Variants in MTMR3 observed in about 807,000 individuals in gnomAD.
The protein encoded by MTMR3 is myotubularin related protein 3, also known as phosphatidylinositol-3,5-bisphosphate 3-phosphatase MTMR3.
MTMR3 carries 32 observed loss-of-function variants against 132.4 expected under a neutral mutation model. The observed-to-expected ratio is 0.24, with a 90% confidence interval of 0.18 to 0.32. The LOEUF (loss-of-function observed/expected upper bound fraction) is 0.32. Among genes scored for constraint, MTMR3 ranks in the 10% least tolerant of loss-of-function variants. MTMR3 has a pLI of 1.00. For missense variants in MTMR3, 1,216 were observed against 1,489.6 expected, an observed-to-expected ratio of 0.82 and a Z score of 3.02; for synonymous variants, 556 against 550.3, an observed-to-expected ratio of 1.01 and a Z score of -0.14.
chr22:29,962,314 G>A (rs1257465183), intron 2 of MTMR3, among the ~76,000 whole-genome samples: 2 of 152,150 alleles, frequency 1.3e-5, no homozygotes, highest in African/African-American at 4.8e-5. Context: ...CAGTGGCTCA[G>A]TATATTCACG....
chr22:29,965,011 G>A (rs768794673), intron 2 of MTMR3, among the ~76,000 whole-genome samples: 9 of 151,944 alleles, frequency 5.9e-5, no homozygotes, highest in African/African-American at 9.7e-5. Context: ...ATGCACTTCC[G>A]TATATTAGAA....
chr22:29,914,375 G>T (rs1468712108), intron 1 of MTMR3, among the ~76,000 whole-genome samples: 1 of 152,026 alleles, frequency 6.6e-6, no homozygotes, highest in African/African-American at 2.4e-5. Flanking sequence ...CTTTTCATGT[G>T]CTTATTTGCC....
At chr22:29,967,624 A>T (rs1350375108) in intron 2 of MTMR3, among the ~76,000 whole-genome samples, 1 of 151,998 alleles carries the variant, frequency 6.6e-6, no homozygotes, top group Non-Finnish European at 1.5e-5. Context: ...ATAGTCATAA[A>T]GCTGTAGAAC....
rs754174063 is a variant in MTMR3 at position 30,017,976 on chromosome 22, T to C, written c.1724T>C (p.Val575Ala). The C allele has an allele frequency of 1.2e-6, 2 of 1,613,790 alleles. No individual in the cohort carries two copies. The highest frequency in any genetic ancestry group is 2.2e-5 in the South Asian group (2 of 91,036). ...CGTAACCTGATGCTGTGGAGTGCAG[T>C]GTACCTGCCCTGCCCATCCCCAACC... ...HVRNLMLWSAVYLPCPSPTTP... is the reference protein window; with the variant it reads ...HVRNLMLWSAAYLPCPSPTTP... The change falls in exon 16 of 20, where the codon GTG becomes GCG. Residue 575 changes from valine (V) to alanine (A), a missense_variant. By Grantham distance (64) the Val-to-Ala change is moderately conservative (BLOSUM62 0). This residue lies in a region of MTMR3 where 852 missense variants were observed against 852.0 expected (regional missense o/e 1.00). Coordinates refer to ENST00000401950, the MANE Select transcript of MTMR3 (RefSeq NM_021090.4).
intron 5 of MTMR3, chr22:29,984,750 A>G (rs1334244661): frequency 6.6e-6 from 1 of 152,232 alleles, no homozygotes; most frequent in African/African-American, 2.4e-5. Context: ...CTCTTTTACA[A>G]AAGGAATTGC....
chr22:29,942,275 C>T (rs377440935), intron 1 of MTMR3, among the ~76,000 whole-genome samples: 141 of 152,118 alleles, frequency 9.3e-4, no homozygotes, highest in African/African-American at 3.4e-3. Flanking sequence ...TTTTTATTAG[C>T]GATTTTCAAA....
At chr22:29,928,146 C>T (rs1232707351) in intron 1 of MTMR3, among the ~76,000 whole-genome samples, 15 of 146,992 alleles carry the variant, frequency 1.0e-4, no homozygotes, top group Middle Eastern at 3.6e-3. Flanking sequence ...ATCGTCTGTA[C>T]GGGTAATCAC....
intron 1 of MTMR3, among the ~76,000 whole-genome samples, chr22:29,895,562 T>C (rs1370326493): frequency 4.6e-5 from 7 of 152,190 alleles, no homozygotes; most frequent in African/African-American, 1.7e-4. Flanking sequence ...GAGGCAAAAC[T>C]TCGTAGCCCA....
intron 2 of MTMR3, among the ~76,000 whole-genome samples, chr22:29,962,882 C>T (rs1267466313): frequency 1.3e-5 from 2 of 151,136 alleles, no homozygotes; most frequent in Non-Finnish European, 2.9e-5. Context: ...AAGCATGTAT[C>T]AGTACTTCAT....
chr22:29,934,053 G>A (rs577846274), intron 1 of MTMR3, among the ~76,000 whole-genome samples: 2 of 152,176 alleles, frequency 1.3e-5, no homozygotes, highest in Non-Finnish European at 2.9e-5. Flanking sequence ...GAATAAATTT[G>A]CTTATGAAAA....
At chr22:30,012,207 C>T (rs2067450168) in intron 12 of MTMR3, 161 bp from the exon 13 acceptor site, 1 of 704,084 alleles carries the variant, frequency 1.4e-6, no homozygotes, top group Admixed American at 2.9e-5. Context: ...TGGGCCTCAT[C>T]CTGAGACATG....
rs768154427 is a variant in MTMR3 at position 30,020,536 on chromosome 22, C to T, written c.2877C>T (p.Ala959=). 1.9e-6 allele frequency: 3 copies of T among 1,614,154 alleles called. No individual in the cohort carries two copies. The Admixed American group carries it at 5.0e-5, about 27-fold the overall frequency. Residue 959 remains alanine (A), a synonymous_variant, in exon 17 of 20, where the codon GCC becomes GCT. Transcript: ENST00000401950. ...ACCCCACACCCAATGGGCATTGCGC[C>T]AATGGGGAGGCTGGTAGGAGCAAGG... ...QMYPTPNGHC[A]NGEAGRSKDS...
At chr22:30,013,622 CTG>C (rs2067491058) in intron 14 of MTMR3, 81 bp downstream of exon 14, 6 of 1,292,580 alleles carry the variant, frequency 4.6e-6, no homozygotes, top group Middle Eastern at 2.0e-4. Context: ...TCACATGAAA[CTG>C]TGCTGCCTCT....
chr22:29,946,672 A>AT (rs964169481), intron 1 of MTMR3, among the ~76,000 whole-genome samples: 3 of 151,898 alleles, frequency 2.0e-5, no homozygotes, highest in South Asian at 2.1e-4. Context: ...CTACCTGCAT[A>AT]TTTTTTTTGC....
rs143403970 is a variant in MTMR3 at position 29,949,500 on chromosome 22, G to GCC, written c.-137-7528_-137-7527dup. ...GATAAAGTAAGACTCTGTCCCCCGC[G>GCC]CCCCCCCCCAAAAAAAAAAAACAAC... On this transcript the variant is annotated intron_variant, in intron 1 of 19. Transcript: ENST00000401950. 4.4e-4 allele frequency among the ~76,000 whole-genome samples: 42 copies of GCC among 94,726 alleles called. 1 individual carries two copies. Among genetic ancestry groups the GCC allele is most frequent in the East Asian group, 1.5e-3 (4 of 2,698 alleles). 62.1% of individuals were successfully genotyped at this position (94,726 alleles called of 152,430 possible). A position where few individuals can be genotyped will look rare whatever the true frequency, so the allele number is the denominator to read the frequency against.
In MTMR3 at chr22:29,975,680, A is replaced by G. The variant is rs962669390; in HGVS notation, c.4-2762A>G. Among the ~76,000 whole-genome samples the G allele has an allele frequency of 4.6e-5, 7 of 152,212 alleles. No homozygotes were observed. The East Asian group carries it at 9.6e-4, about 21-fold the overall frequency. On this transcript the variant is annotated intron_variant, in intron 3 of 19. Coordinates refer to ENST00000401950, the MANE Select transcript of MTMR3 (RefSeq NM_021090.4). ...TAGTGGCGCAATCACAGCTCACTGT[A>G]GCCGCTACAGTGCACCTCAGGTGCA...
intron 10 of MTMR3, 29 bp from the exon 11 acceptor site, chr22:30,007,872 T>A: frequency 6.2e-7 from 1 of 1,611,818 alleles, no homozygotes; most frequent in Non-Finnish European, 8.5e-7. Context: ...CAGGCTCATT[T>A]AGTATGCCCT....
intron 14 of MTMR3, 59 bp from the exon 15 acceptor site, chr22:30,016,469 T>G: frequency 6.4e-7 from 1 of 1,568,948 alleles, no homozygotes; most frequent in Non-Finnish European, 8.7e-7. Flanking sequence ...TCAGCTGAGC[T>G]GACTTATCAG....
At chr22:29,941,023 G>T (rs1206375019) in intron 1 of MTMR3, among the ~76,000 whole-genome samples, 5 of 150,050 alleles carry the variant, frequency 3.3e-5, no homozygotes, top group Admixed American at 6.6e-5. Context: ...TCATGATACA[G>T]AACTTTTACA....
Sources: gnomAD v4.1 joint callset for allele counts (sites outside exome capture counted in the v4.1 genomes callset) on GRCh38, gnomAD v4.1.1 for gene constraint, gnomAD v4.1.1 regional missense constraint, MANE v1.5 for transcripts, NCBI Gene and HGNC (gene_info 2026-07-23, HGNC 2026-07-21) for gene names.